AMPD2: variants seen among roughly 807,000 people sequenced by gnomAD.
AMPD2 encodes adenosine monophosphate deaminase 2, also known as AMP deaminase 2.
AMPD2 carries 52 observed loss-of-function variants against 91.3 expected under a neutral mutation model. The observed-to-expected ratio is 0.57, with a 90% CI of 0.46 to 0.72. The LOEUF (loss-of-function observed/expected upper bound fraction) is 0.72. Ranked by LOEUF, AMPD2 falls within the 30% of genes least tolerant of loss-of-function variation. The probability of loss-of-function intolerance (pLI) is 0.00; values close to 1 mark genes in which losing one functional copy is unlikely to be tolerated. For missense variants in AMPD2, 822 were observed against 1,122.3 expected (o/e 0.73, Z 3.82); for synonymous variants, 455 against 456.4 (o/e 1.00, Z 0.04).
At position 109,628,105 on chromosome 1, in the gene AMPD2, C is replaced by T. The variant is rs1340521500; in HGVS notation, c.1103C>T (p.Ser368Leu). The T allele has an allele frequency of 2.5e-6, 4 of 1,613,700 alleles. No individual in the cohort carries two copies. Among genetic ancestry groups the T allele is most frequent in the Non-Finnish European group, 2.5e-6 (3 of 1,179,862 alleles). ...CAGGTGGACACCCACATCCATGCCT[C>T]GTCCTGCATGAACCAGAAGCATCTG... ...IRKVDTHIHA[S>L]SCMNQKHLLR... The change falls in exon 11 of 19, where the codon TCG becomes TTG. Residue 368 changes from serine (S) to leucine (L), a missense_variant. Physicochemically the swap from Ser to Leu is moderately radical, Grantham distance 145. Coordinates refer to ENST00000528667, the MANE Select transcript of AMPD2 (RefSeq NM_001368809.2). The surrounding 1 kb of genome is among the most constrained non-coding windows in gnomAD (Gnocchi z 7.1).
chr1:109,626,557 A>G, intron 6 of AMPD2, 130 bp downstream of exon 6: 1 of 1,295,692 alleles, frequency 7.7e-7, no homozygotes, highest in Non-Finnish European at 1.1e-6. Flanking sequence ...GCGGAGGGGC[A>G]GAGGGGCTGC....
chr1:109,627,197 G>T lies in AMPD2; in HGVS notation c.741G>T (p.Ala247=), dbSNP rs201449706. The change falls in exon 8 of 19, where the codon GCG becomes GCT. Residue 247 remains alanine (A), a synonymous_variant. Coordinates refer to ENST00000528667, the MANE Select transcript of AMPD2 (RefSeq NM_001368809.2). Reference sequence around the variant, plus strand: ...CAGATGCCCCGGTGCACCCCCCTGCGCTGGAGCAGCACCCGTATGAGCACT... The same window carrying T: ...CAGATGCCCCGGTGCACCCCCCTGCTCTGGAGCAGCACCCGTATGAGCACT... The part of the protein sequence containing the change: ...VSADAPVHPP[A]LEQHPYEHCE... 2 of 1,613,464 alleles carry T rather than the reference G, an allele frequency of 1.2e-6. No homozygotes were observed. The highest frequency in any genetic ancestry group is 2.7e-5 in the African/African-American group (2 of 75,018).
Position 109,629,198 on chromosome 1 carries a change from C to T in AMPD2, c.1661C>T (p.Pro554Leu). The T allele has an allele frequency of 6.2e-7, 1 of 1,614,170 alleles. No individual in the cohort carries two copies. The highest frequency in any genetic ancestry group is 8.5e-7 in the Non-Finnish European group (1 of 1,180,024). The change falls in exon 14 of 19, where the codon CCT becomes CTT. Residue 554 changes from proline to leucine, a missense_variant. By Grantham distance (98) the Pro-to-Leu change is moderately conservative. Transcript: ENST00000528667. Reference protein sequence around the residue: ...FLPLFEATVHPASHPELHLFL... With the variant: ...FLPLFEATVHLASHPELHLFL... The stretch of plus-strand genomic sequence containing the variant: ...CCACTGTTCGAGGCCACTGTGCACC[C>T]TGCCAGCCACCCGGAACTGCATCTC...
chr1:109,625,461 A>G lies in AMPD2; in HGVS notation c.222+28A>G. 6.2e-7 allele frequency: 1 copy of G among 1,612,872 alleles called. No individual in the cohort carries two copies. Among genetic ancestry groups the G allele is most frequent in the Non-Finnish European group, 8.5e-7 (1 of 1,179,648 alleles). ...ATCACCTGGCACCACCCGCACCCTC[A>G]CCCCGTGTCTCCATGCCCTGCCTCT... On this transcript the variant is annotated intron_variant, in intron 3 of 18. Coordinates refer to ENST00000528667, the MANE Select transcript of AMPD2 (RefSeq NM_001368809.2). This position sits in a 1 kb window ranked among gnomAD's most constrained non-coding sequence, Gnocchi z 4.0.
Position 109,630,192 on chromosome 1 carries a change from G to A in AMPD2, c.1984-41G>A, listed in dbSNP as rs377322114. 4.4e-6 allele frequency: 7 copies of A among 1,604,648 alleles called. No individual in the cohort carries two copies. In the African/African-American group the frequency reaches 5.3e-5, roughly 12 times the overall value. On this transcript the variant is annotated intron_variant, in intron 16 of 18. Coordinates refer to ENST00000528667, the MANE Select transcript of AMPD2 (RefSeq NM_001368809.2). ...GAACCACTGTGCCCTGCCCAGCCTC[G>A]GGGCCACCTGACAGGCCCTCCCTCC...
In AMPD2 at chr1:109,628,754, C is replaced by A. The variant is rs374652371; in HGVS notation, c.1519C>A (p.His507Asn). Residue 507 changes from histidine to asparagine, a missense_variant, in exon 13 of 19, where the codon CAC (histidine) becomes AAC (asparagine). By Grantham distance (68) the His-to-Asn change is moderately conservative. This residue lies in a region of AMPD2 where 430 missense variants were observed against 606.0 expected (regional missense o/e 0.71). Transcript: ENST00000528667. The surrounding 1 kb of genome is among the most constrained non-coding windows in gnomAD (Gnocchi z 7.1). ...WDKLARWAVMHRVHSPNVRWL... is the reference protein window; with the variant it reads ...WDKLARWAVMNRVHSPNVRWL... The stretch of plus-strand genomic sequence containing the variant: ...CAAGCTGGCGCGCTGGGCCGTCATG[C>A]ACCGCGTGCACTCCCCCAACGTGCG... 3.3e-5 allele frequency: 52 copies of A among 1,591,382 alleles called. No homozygotes were observed. The South Asian group carries it at 5.8e-4, about 18-fold the overall frequency.
rs1650517796 is a variant in AMPD2 at position 109,624,881 on chromosome 1, TGTGGCC to T, written c.92-420_92-415del. Among the ~76,000 whole-genome samples the T allele has an allele frequency of 6.6e-6, 1 of 152,060 alleles. No homozygotes were observed. The highest frequency in any genetic ancestry group is 1.5e-5 in the Non-Finnish European group (1 of 67,988). On this transcript the variant is annotated intron_variant, in intron 2 of 18. Coordinates refer to ENST00000528667, the MANE Select transcript of AMPD2 (RefSeq NM_001368809.2). The surrounding 1 kb of genome is among the most constrained non-coding windows in gnomAD (Gnocchi z 5.2). ...GGAGCTGCAGGCTGGGGGTCCCTGG[TGTGGCC>T]GCCTGGTCCTTACCAAGCACCTGGT...
At position 109,629,208 on chromosome 1, in the gene AMPD2, C is replaced by T. The variant is rs910529537; in HGVS notation, c.1671C>T (p.His557=). ...AGGCCACTGTGCACCCTGCCAGCCA[C>T]CCGGAACTGCATCTCTTCTTAGAGC... is the stretch of plus-strand genomic sequence containing the variant. The part of the protein sequence containing the change: ...LFEATVHPAS[H]PELHLFLEHV... The change falls in exon 14 of 19, where the codon CAC becomes CAT. Residue 557 remains histidine (H), a synonymous_variant. Coordinates refer to ENST00000528667, the MANE Select transcript of AMPD2 (RefSeq NM_001368809.2). 2 of 1,614,040 alleles carry T rather than the reference C, an allele frequency of 1.2e-6. No homozygotes were observed. The highest frequency in any genetic ancestry group is 1.7e-6 in the Non-Finnish European group (2 of 1,180,040).
intron 17 of AMPD2, 56 bp downstream of exon 17, chr1:109,630,462 C>T: frequency 6.2e-6 from 1 of 161,706 alleles, no homozygotes; most frequent in Middle Eastern, 9.0e-4. Flanking sequence ...TGGGGTCTCC[C>T]GGGTTGGGTG....
chr1:109,621,193 T>C lies in AMPD2; in HGVS notation c.18T>C (p.Ser6=), dbSNP rs764667659. MASYP[S]GSGKPKAKYP... ...TCCCAGCCATGGCATCCTATCCATC[T>C]GGCTCTGGCAAGCCCAAGGCCAAAT... Residue 6 remains serine (S), a synonymous_variant, in exon 2 of 19, where the codon TCT becomes TCC. Coordinates refer to ENST00000528667, the MANE Select transcript of AMPD2 (RefSeq NM_001368809.2). The C allele has an allele frequency of 6.2e-7, 1 of 1,607,448 alleles. No homozygotes were observed. Among genetic ancestry groups the C allele is most frequent in the South Asian group, 1.1e-5 (1 of 89,918 alleles).
chr1:109,625,337 G>T lies in AMPD2; in HGVS notation c.126G>T (p.Gln42His). ...GTGGTCTGGGGGCCCCTCCGCTGCA[G>T]TCTGCCCGATCCCTGCCGGGCCCCG... Reference protein sequence around the residue: ...ARGGLGAPPLQSARSLPGPAP... With the variant: ...ARGGLGAPPLHSARSLPGPAP... Residue 42 changes from glutamine to histidine, a missense_variant, in exon 3 of 19, where the codon CAG becomes CAT. Transcript: ENST00000528667. The surrounding 1 kb of genome is among the most constrained non-coding windows in gnomAD (Gnocchi z 4.0). 6.2e-7 allele frequency: 1 copy of T among 1,613,442 alleles called. No homozygotes were observed. Among genetic ancestry groups the T allele is most frequent in the Non-Finnish European group, 8.5e-7 (1 of 1,179,912 alleles).
Position 109,629,509 on chromosome 1 carries a change from G to A in AMPD2, c.1862+19G>A. The A allele has an allele frequency of 6.2e-7, 1 of 1,609,836 alleles. No individual in the cohort carries two copies. The highest frequency in any genetic ancestry group is 8.5e-7 in the Non-Finnish European group (1 of 1,177,600). Reference sequence around the variant, plus strand: ...TGCGCAGGTGCCTGCACCACCCTGTGTCTGCTTGCTATGCCATCTCTCGCC... The same window carrying A: ...TGCGCAGGTGCCTGCACCACCCTGTATCTGCTTGCTATGCCATCTCTCGCC... On this transcript the variant is annotated intron_variant, in intron 15 of 18. Coordinates refer to ENST00000528667, the MANE Select transcript of AMPD2 (RefSeq NM_001368809.2).
intron 7 of AMPD2, 131 bp from the exon 8 acceptor site, chr1:109,627,044 G>A (rs1018284176): frequency 7.1e-6 from 11 of 1,546,174 alleles, no homozygotes; most frequent in South Asian, 3.7e-5. Flanking sequence ...GGGGTACAGG[G>A]GTGGAGGTTG....
Position 109,628,427 on chromosome 1 carries a change from G to A in AMPD2, c.1339G>A (p.Val447Ile), listed in dbSNP as rs1469978046. 7.4e-6 allele frequency: 12 copies of A among 1,613,652 alleles called. No individual in the cohort carries two copies. Among genetic ancestry groups the A allele is most frequent in the East Asian group, 2.2e-5 (1 of 44,884 alleles). The change falls in exon 12 of 19, where the codon GTC becomes ATC. Residue 447 changes from valine to isoleucine, a missense_variant. This residue lies in a region of AMPD2 where 430 missense variants were observed against 606.0 expected (regional missense o/e 0.71). Transcript: ENST00000528667. The surrounding 1 kb of genome is among the most constrained non-coding windows in gnomAD (Gnocchi z 7.1). ...CAAATACAACCCTATTGGGGAGTCC[G>A]TCCTCCGAGAGATCTTCATCAAGAC... is the stretch of plus-strand genomic sequence containing the variant. ...NAKYNPIGES[V>I]LREIFIKTDN...
At position 109,620,296 on chromosome 1, in the gene AMPD2, T is replaced by C. The variant is rs28362580; in HGVS notation, c.-263+18T>C. 135,920 of 1,612,938 alleles carry C rather than the reference T, an allele frequency of 0.084. 9,248 individuals are homozygous for C. The highest frequency in any genetic ancestry group is 0.29 in the East Asian group (12,830 of 44,760). On this transcript the variant is annotated intron_variant, in intron 1 of 18. Transcript: ENST00000528667. ...GGCCTCAGGTGAGTGTGTGTACGTG[T>C]GTTGGAGGGAGGGTCTCTGGGACAG...
At position 109,630,281 on chromosome 1, in the gene AMPD2, A is replaced by G; in HGVS notation, c.2032A>G (p.Met678Val). The G allele has an allele frequency of 6.2e-7, 1 of 1,613,702 alleles. No homozygotes were observed. Among genetic ancestry groups the G allele is most frequent in the Non-Finnish European group, 8.5e-7 (1 of 1,179,970 alleles). ...LYYLAQIGIA[M>V]SPLSNNSLFL... is the part of the protein sequence containing the mutation. ...CTACCTGGCCCAGATCGGCATCGCC[A>G]TGTCTCCGCTCAGCAACAACAGCCT... Residue 678 changes from methionine to valine, a missense_variant, in exon 17 of 19, where the codon ATG (methionine) becomes GTG (valine). This residue lies in a region of AMPD2 where 430 missense variants were observed against 606.0 expected (regional missense o/e 0.71). Transcript: ENST00000528667.
At position 109,630,338 on chromosome 1, in the gene AMPD2, G is replaced by A; in HGVS notation, c.2089G>A (p.Glu697Lys). The change falls in exon 17 of 19, where the codon GAG becomes AAG. Residue 697 changes from glutamate to lysine, a missense_variant. Physicochemically the swap from Glu to Lys is moderately conservative, Grantham distance 56 (BLOSUM62 1). Around this residue, in one of 5 missense-constraint regions of AMPD2, gnomAD observed 430 missense variants for 606.0 expected, o/e 0.71. Transcript: ENST00000528667. ...FLSYHRNPLPEYLSRGLMVSL... is the reference protein window; with the variant it reads ...FLSYHRNPLPKYLSRGLMVSL... ...CAGCTATCACCGGAATCCGCTACCG[G>A]AGTACCTGTCCCGCGGCCTCATGGT... The A allele has an allele frequency of 6.2e-7, 1 of 1,613,992 alleles. No homozygotes were observed. Among genetic ancestry groups the A allele is most frequent in the Non-Finnish European group, 8.5e-7 (1 of 1,180,002 alleles).
In AMPD2 at chr1:109,620,110, T is replaced by C; in HGVS notation, c.-431T>C. 1 of 1,072,058 alleles carries C rather than the reference T, an allele frequency of 9.3e-7. No individual in the cohort carries two copies. Among genetic ancestry groups the C allele is most frequent in the Non-Finnish European group, 1.4e-6 (1 of 718,346 alleles). The allele number at this position is 1,072,058 out of a possible 1,614,324, so 66.4% of individuals were successfully genotyped here. A position where few individuals can be genotyped will look rare whatever the true frequency, so the allele number is the denominator to read the frequency against. On this transcript the variant is annotated 5_prime_UTR_variant, in exon 1 of 19. Transcript: ENST00000528667. ...TCCACCTCCGGCCAGCTGGCAATTT[T>C]GAAAGACTGCCTTACTTTCCCCATC...
Position 109,627,270 on chromosome 1 carries a change from G to T in AMPD2, c.814G>T (p.Val272Leu). The T allele has an allele frequency of 6.2e-7, 1 of 1,608,958 alleles. No individual in the cohort carries two copies. Among genetic ancestry groups the T allele is most frequent in the Non-Finnish European group, 8.5e-7 (1 of 1,176,940 alleles). ...PGDLGLGLRM[V>L]RGVVHVYTRR... ...GGACCTGGGCTTGGGTCTGCGCATG[G>T]TGCGGGGTGTGGTGCACGTCTACAC... Residue 272 changes from valine to leucine, a missense_variant, in exon 8 of 19, where the codon GTG (valine) becomes TTG (leucine). Physicochemically the swap from Val to Leu is conservative, Grantham distance 32. Around this residue, in one of 5 missense-constraint regions of AMPD2, gnomAD observed 240 missense variants for 270.3 expected, o/e 0.89. Coordinates refer to ENST00000528667, the MANE Select transcript of AMPD2 (RefSeq NM_001368809.2).
Sources: allele counts gnomAD v4.1 joint callset (sites outside exome capture counted in the v4.1 genomes callset), GRCh38; gene constraint gnomAD v4.1.1; regional missense constraint gnomAD v4.1.1; non-coding constraint Gnocchi (gnomAD v3.1); transcripts MANE v1.5; gene names NCBI Gene and HGNC (gene_info 2026-07-23, HGNC 2026-07-21).